The following TIAM1 variants were observed in gnomAD, a reference collection of about 807,000 sequenced individuals.
TIAM1 encodes rho guanine nucleotide exchange factor TIAM1.
A neutral mutation model predicts 163.5 loss-of-function variants in TIAM1; 65 were observed. The observed-to-expected ratio is 0.40, with a 90% confidence interval of 0.33 to 0.49. TIAM1 has a LOEUF of 0.49. TIAM1 is among the 20% of genes least tolerant of loss of function. The pLI is 0.77. For missense variants in TIAM1, 1,789 were observed against 2,044.7 expected, an observed-to-expected ratio of 0.87 and a Z score of 2.41; for synonymous variants, 833 against 810.1, an observed-to-expected ratio of 1.03 and a Z score of -0.48.
chr21:31,537,152 A>C (rs952683727), intron 1 of TIAM1, among the ~76,000 whole-genome samples: 3 of 152,194 alleles, frequency 2.0e-5, no homozygotes, highest in African/African-American at 7.2e-5. Context: ...TCTGGGGTCC[A>C]CTATAATCCA....
At chr21:31,329,722 A>G (rs2075616380) in intron 2 of TIAM1, among the ~76,000 whole-genome samples, 1 of 152,030 alleles carries the variant, frequency 6.6e-6, no homozygotes, top group Non-Finnish European at 1.5e-5. Context: ...TTGATGAGGG[A>G]TTCTCCCCTG....
intron 4 of TIAM1, among the ~76,000 whole-genome samples, chr21:31,263,443 G>A (rs1179070343): frequency 6.6e-6 from 1 of 152,178 alleles, no homozygotes; most frequent in Non-Finnish European, 1.5e-5. Flanking sequence ...ACCTTTAGAT[G>A]ATCTCACTTC....
chr21:31,455,416 ATT>A (rs35317787), intron 2 of TIAM1, among the ~76,000 whole-genome samples: 1 of 147,440 alleles, frequency 6.8e-6, no homozygotes, highest in Non-Finnish European at 1.5e-5. Context: ...TTTAATTTTA[ATT>A]TTTTTTTTTT....
chr21:31,380,655 A>C (rs2076763400), intron 2 of TIAM1, among the ~76,000 whole-genome samples: 1 of 152,218 alleles, frequency 6.6e-6, no homozygotes, highest in Non-Finnish European at 1.5e-5. Context: ...TAGTTCAATA[A>C]AGCTGTTTTT....
upstream of TIAM1, among the ~76,000 whole-genome samples, chr21:31,346,633 C>A (rs952403854): frequency 2.0e-5 from 3 of 152,202 alleles, no homozygotes; most frequent in Non-Finnish European, 4.4e-5. Context: ...GCAGCCCCAT[C>A]GAGGCCCATC....
chr21:31,267,709 T>C (rs1243120010), intron 3 of TIAM1, among the ~76,000 whole-genome samples: 1 of 150,224 alleles, frequency 6.7e-6, no homozygotes, highest in African/African-American at 2.5e-5. Context: ...GGGAGGGCTA[T>C]GGAGGGGTGG....
chr21:31,505,025 A>C (rs536358552), intron 1 of TIAM1, among the ~76,000 whole-genome samples: 1 of 152,290 alleles, frequency 6.6e-6, no homozygotes, highest in South Asian at 2.1e-4. Context: ...GAAACACCAA[A>C]AATAAAAAGA....
chr21:31,197,359 A>G (rs34046044), intron 12 of TIAM1, among the ~76,000 whole-genome samples: 27,223 of 151,984 alleles, frequency 0.18, 3,610 homozygotes, highest in East Asian at 0.4. Context: ...TAAATTAATC[A>G]ATATTTCATT....
At chr21:31,372,947 C>A (rs567351783) in intron 2 of TIAM1, among the ~76,000 whole-genome samples, 1 of 151,006 alleles carries the variant, frequency 6.6e-6, no homozygotes, top group South Asian at 2.1e-4. Context: ...AGCAGCTACT[C>A]GGGAGGGTGA....
At position 31,127,104 on chromosome 21, in the gene TIAM1, G is replaced by A. The variant is rs1318353059; in HGVS notation, c.4094C>T (p.Ser1365Phe). 4 of 1,613,950 alleles carry A rather than the reference G, an allele frequency of 2.5e-6. No homozygotes were observed. The African/African-American group carries it at 5.3e-5, about 22-fold the overall frequency. The change falls in exon 26 of 28, where the codon TCT (serine) becomes TTT (phenylalanine). Residue 1365 changes from serine to phenylalanine, a missense_variant. Ser to Phe is a radical substitution (Grantham distance 155, BLOSUM62 -2). Around this residue, in one of 5 missense-constraint regions of TIAM1, gnomAD observed 415 missense variants for 439.2 expected, o/e 0.94. Transcript: ENST00000541036. ...AAAGACCCTCTCCGGCCTCCCTTCA[G>A]ACTCGGATTTTACATGGACAATTTC... ...VCEIVHVKSE[S>F]EGRPERVFHL...
chr21:31,167,932 T>C lies in TIAM1; in HGVS notation c.2888-2867A>G, dbSNP rs200718685. On this transcript the variant is annotated intron_variant, in intron 15 of 27. Coordinates refer to ENST00000541036, the MANE Select transcript of TIAM1 (RefSeq NM_001353694.2). ...AAGTGAATGTCCCACATTCATATGGTTCCCCTGAGGGGCTACACCCCTCAG... is the reference window on the plus strand; with the variant it reads ...AAGTGAATGTCCCACATTCATATGGCTCCCCTGAGGGGCTACACCCCTCAG... 1.5e-4 allele frequency among the ~76,000 whole-genome samples: 23 copies of C among 152,170 alleles called. No homozygotes were observed. In the East Asian group the frequency reaches 4.1e-3, roughly 27 times the overall value.
rs1274872412 is a variant in TIAM1 at position 31,184,004 on chromosome 21, A to G, written c.2663-1359T>C. Among the ~76,000 whole-genome samples the G allele has an allele frequency of 2.0e-5, 3 of 152,274 alleles. No individual in the cohort carries two copies. In the East Asian group the frequency reaches 5.8e-4, roughly 29 times the overall value. On this transcript the variant is annotated intron_variant, in intron 14 of 27. Transcript: ENST00000541036. ...CACTCTGTTGCCCAGGCTGGAGTGC[A>G]GTGGCACGATCTTGGCTCACTGCAA...
At chr21:31,394,728 T>TCTCTCACACACACACACACACACACACA (rs1279053911) in intron 2 of TIAM1, among the ~76,000 whole-genome samples, 1 of 95,704 alleles carries the variant, frequency 1.0e-5, no homozygotes, top group Non-Finnish European at 2.1e-5. Context: ...TCTCTCTCTC[T>TCTCTCACACACACACACACACACACACA]CACACACACA....
rs771808182 is a variant in TIAM1, at chr21:31,245,634, C to T, written c.1438G>A (p.Asp480Asn). 2.5e-6 allele frequency: 4 copies of T among 1,584,674 alleles called. No homozygotes were observed. Among genetic ancestry groups the T allele is most frequent in the Admixed American group, 1.8e-5 (1 of 56,180 alleles). Residue 480 changes from aspartate (D) to asparagine (N), a missense_variant, in exon 6 of 28, where the codon GAC becomes AAC. Asp to Asn is a conservative substitution (Grantham distance 23). Coordinates refer to ENST00000541036, the MANE Select transcript of TIAM1 (RefSeq NM_001353694.2). ...TTGTGGTCTATCCCAGACCTGCCGT[C>T]GCTCTCGTAGAAAAATAGCGTGCAT... Reference protein sequence around the residue: ...KGCTLFFYESDGRSGIDHNSI... With the variant: ...KGCTLFFYESNGRSGIDHNSI...
intron 2 of TIAM1, among the ~76,000 whole-genome samples, chr21:31,442,396 G>C (rs2044468597): frequency 6.6e-6 from 1 of 151,642 alleles, no homozygotes; most frequent in South Asian, 2.1e-4. Context: ...CCATGCCTGG[G>C]TAATTTTTGG....
chr21:31,257,197 A>G (rs532024641), intron 4 of TIAM1, among the ~76,000 whole-genome samples: 1 of 152,334 alleles, frequency 6.6e-6, no homozygotes, highest in East Asian at 1.9e-4. Context: ...AGAATAGGAA[A>G]TCAACTCTAT....
At chr21:31,454,104 T>C (rs1361060469) in intron 2 of TIAM1, among the ~76,000 whole-genome samples, 2 of 152,236 alleles carry the variant, frequency 1.3e-5, no homozygotes, top group Non-Finnish European at 2.9e-5. Flanking sequence ...AGACCATTTA[T>C]CACCTTCTGC....
At chr21:31,152,887 G>T in intron 18 of TIAM1, 126 bp from the exon 19 acceptor site, 1 of 1,412,312 alleles carries the variant, frequency 7.1e-7, no homozygotes, top group Non-Finnish European at 9.5e-7. Context: ...CTACCAGAGA[G>T]CGGGGCAGTT....
chr21:31,466,871 T>C (rs1193843219), intron 1 of TIAM1, among the ~76,000 whole-genome samples: 2 of 151,956 alleles, frequency 1.3e-5, no homozygotes, highest in East Asian at 1.9e-4. Flanking sequence ...GCAATTTATA[T>C]ACAATTCCCT....
Sources: allele counts gnomAD v4.1 joint callset (sites outside exome capture counted in the v4.1 genomes callset), GRCh38; gene constraint gnomAD v4.1.1; regional missense constraint gnomAD v4.1.1; transcripts MANE v1.5; gene names NCBI Gene and HGNC (gene_info 2026-07-23, HGNC 2026-07-21).